Variants in NME7 observed in about 807,000 individuals in gnomAD.
The protein encoded by NME7 is NME/NM23 family member 7.
In NME7, 41 loss-of-function variants were observed where a neutral mutation model predicts 49.1. The observed-to-expected ratio is 0.83, with a 90% CI of 0.65 to 1.08. NME7 has a LOEUF of 1.08. NME7 is among the 50% of genes least tolerant of loss of function. The pLI, the probability that NME7 is intolerant of heterozygous loss-of-function variation, is 0.00. For missense variants in NME7, 423 were observed against 463.4 expected (o/e 0.91, Z 0.80); for synonymous variants, 139 against 150.6 (o/e 0.92, Z 0.56).
chr1:169,210,534 A>G (rs1287094697), intron 10 of NME7, among the ~76,000 whole-genome samples: 4 of 152,134 alleles, frequency 2.6e-5, no homozygotes, highest in Non-Finnish European at 5.9e-5. Flanking sequence ...TGTTGTTTAG[A>G]TAGTCCTTCT....
At chr1:169,251,323 T>C (rs1205024767) in intron 7 of NME7, among the ~76,000 whole-genome samples, 1 of 151,968 alleles carries the variant, frequency 6.6e-6, no homozygotes, top group African/African-American at 2.4e-5. Flanking sequence ...CCATTTGGAG[T>C]GGAATATCTT....
chr1:169,323,835 CTTTTTTTT>C (rs33970981), intron 2 of NME7, among the ~76,000 whole-genome samples: 2 of 84,256 alleles, frequency 2.4e-5, no homozygotes, highest in Non-Finnish European at 2.2e-5. Flanking sequence ...CCATTTCAGT[CTTTTTTTT>C]TTTTTTTTTT....
chr1:169,352,378 T>A (rs557125065), intron 1 of NME7, among the ~76,000 whole-genome samples: 3 of 152,092 alleles, frequency 2.0e-5, no homozygotes, highest in African/African-American at 7.2e-5. Flanking sequence ...AAATTCAACA[T>A]CCCTTCTTGT....
At chr1:169,228,163 C>G (rs907639391) in intron 10 of NME7, among the ~76,000 whole-genome samples, 3 of 152,042 alleles carry the variant, frequency 2.0e-5, no homozygotes, top group Non-Finnish European at 4.4e-5. Context: ...CCTGCCTTAT[C>G]CTCCCAAAAT....
chr1:169,355,036 A>C (rs867979782), intron 1 of NME7, among the ~76,000 whole-genome samples: 2 of 73,260 alleles, frequency 2.7e-5, no homozygotes, highest in African/African-American at 5.4e-5. Context: ...TATATTATAT[A>C]TTATAGATAT....
intron 1 of NME7, among the ~76,000 whole-genome samples, chr1:169,326,869 C>T (rs1652079544): frequency 6.6e-6 from 1 of 152,144 alleles, no homozygotes; most frequent in Non-Finnish European, 1.5e-5. Flanking sequence ...AGACCAAAGC[C>T]ACCCTTAAAA....
At chr1:169,328,583 T>C (rs1187638833) in intron 1 of NME7, among the ~76,000 whole-genome samples, 1 of 152,168 alleles carries the variant, frequency 6.6e-6, no homozygotes, top group Non-Finnish European at 1.5e-5. Context: ...AAAAAGGGAT[T>C]TATGATGGAC....
chr1:169,282,501 T>C (rs534387472), intron 7 of NME7, among the ~76,000 whole-genome samples: 8 of 152,284 alleles, frequency 5.3e-5, no homozygotes, highest in African/African-American at 1.9e-4. Flanking sequence ...CTTTTGAATT[T>C]GTTTGCTGTT....
intron 7 of NME7, among the ~76,000 whole-genome samples, chr1:169,242,845 G>T (rs772996011): frequency 6.6e-6 from 1 of 151,734 alleles, no homozygotes; most frequent in Admixed American, 6.6e-5. Context: ...AAAATTGGGT[G>T]TGAATCTAAC....
rs1324143736 is a variant in NME7 at position 169,132,590 on chromosome 1, C to CTGGTGTTA, written c.*187_*194dup. The CTGGTGTTA allele has an allele frequency of 2.0e-6, 1 of 509,500 alleles. No homozygotes were observed. The highest frequency in any genetic ancestry group is 2.0e-5 in the African/African-American group (1 of 50,184). The allele number at this position is 509,500 out of a possible 1,614,324, so 31.6% of individuals were successfully genotyped here. The stretch of plus-strand genomic sequence containing the variant: ...AAAAAGCAATGCAGTACCCCATAGA[C>CTGGTGTTA]TGGTGTTAAATGTTGTCTACAGTGC... On this transcript the variant is annotated 3_prime_UTR_variant, in exon 12 of 12. Coordinates refer to ENST00000367811, the MANE Select transcript of NME7 (RefSeq NM_013330.5).
chr1:169,156,516 TTTATAC>T (rs1659080306), intron 11 of NME7, among the ~76,000 whole-genome samples: 1 of 152,202 alleles, frequency 6.6e-6, no homozygotes, highest in South Asian at 2.1e-4. Flanking sequence ...AATTAACCAA[TTTATAC>T]AAAATAAATT....
chr1:169,254,743 C>T (rs1186878621), intron 7 of NME7, among the ~76,000 whole-genome samples: 2 of 144,640 alleles, frequency 1.4e-5, no homozygotes. Flanking sequence ...GAATGTGTCC[C>T]AGAGATTCTG....
Position 169,235,128 on chromosome 1 carries a change from T to C in NME7, c.888+3A>G. On this transcript the variant is annotated splice_donor_region_variant and intron_variant, in intron 9 of 11. Transcript: ENST00000367811. ...AATGTTTTACATTTACTTTTATACT[T>C]ACATGATATTCGGTCACTACTCCTT... 6.7e-7 allele frequency: 1 copy of C among 1,482,016 alleles called. No homozygotes were observed. The highest frequency in any genetic ancestry group is 1.2e-5 in the South Asian group (1 of 83,876). The allele number at this position is 1,482,016 out of a possible 1,614,324, so 91.8% of individuals were successfully genotyped here. A position where few individuals can be genotyped will look rare whatever the true frequency, so the allele number is the denominator to read the frequency against.
chr1:169,298,762 C>G lies in NME7; in HGVS notation c.442G>C (p.Glu148Gln). Residue 148 changes from glutamate (E) to glutamine (Q), a missense_variant and splice_region_variant, in exon 6 of 12, where the codon GAG becomes CAG. Coordinates refer to ENST00000367811, the MANE Select transcript of NME7 (RefSeq NM_013330.5). Reference sequence around the variant, plus strand: ...CCAGTTGTAATAAACTGGATCAGCTCACTACAAAACAGATAGAAGATTAGT... The same window carrying G: ...CCAGTTGTAATAAACTGGATCAGCTGACTACAAAACAGATAGAAGATTAGT... ...VDHQSRPFFN[E>Q]LIQFITTGPI... 3 of 1,612,066 alleles carry G rather than the reference C, an allele frequency of 1.9e-6. No homozygotes were observed. The highest frequency in any genetic ancestry group is 2.5e-6 in the Non-Finnish European group (3 of 1,178,868).
chr1:169,244,684 A>G (rs929308449), intron 7 of NME7, among the ~76,000 whole-genome samples: 7 of 151,926 alleles, frequency 4.6e-5, no homozygotes, highest in Admixed American at 2.0e-4. Context: ...GATGCATAGT[A>G]TTCTTCAAAA....
At chr1:169,344,475 G>A (rs556921458) in intron 1 of NME7, among the ~76,000 whole-genome samples, 2 of 152,274 alleles carry the variant, frequency 1.3e-5, no homozygotes, top group African/African-American at 4.8e-5. Flanking sequence ...CAGGAAGAAA[G>A]CATTCACACT....
At chr1:169,258,991 A>G (rs1558011864) in intron 7 of NME7, among the ~76,000 whole-genome samples, 1 of 134,004 alleles carries the variant, frequency 7.5e-6, no homozygotes, top group African/African-American at 2.5e-5. Flanking sequence ...CATTACTGCG[A>G]GTAAGGTCTC....
intron 7 of NME7, among the ~76,000 whole-genome samples, chr1:169,247,641 C>T (rs1648380445): frequency 6.6e-6 from 1 of 152,030 alleles, no homozygotes; most frequent in South Asian, 2.1e-4. Flanking sequence ...CCCCCTCAAC[C>T]CTCCCTCTTC....
intron 11 of NME7, among the ~76,000 whole-genome samples, chr1:169,163,701 C>T (rs1399663119): frequency 1.3e-5 from 2 of 152,052 alleles, no homozygotes; most frequent in Admixed American, 6.5e-5. Flanking sequence ...GTTAAAAATA[C>T]ACACTAAAGG....
Sources: allele counts gnomAD v4.1 joint callset (sites outside exome capture counted in the v4.1 genomes callset), GRCh38; gene constraint gnomAD v4.1.1; transcripts MANE v1.5; gene names NCBI Gene and HGNC (gene_info 2026-07-23, HGNC 2026-07-21).